The following NLGN1 variants were observed in gnomAD, a reference collection of about 807,000 sequenced individuals.
The protein encoded by NLGN1 is neuroligin-1.
NLGN1 carries 12 observed loss-of-function variants against 65.5 expected under a neutral mutation model. The observed-to-expected ratio is 0.18, with a 90% CI of 0.12 to 0.30. The LOEUF (loss-of-function observed/expected upper bound fraction) is 0.30. Ranked by LOEUF, NLGN1 falls within the 10% of genes least tolerant of loss-of-function variation. NLGN1 has a pLI of 1.00. For missense variants in NLGN1, 750 were observed against 1,007.1 expected, an observed-to-expected ratio of 0.74 and a Z score of 3.46; for synonymous variants, 350 against 359.5, an observed-to-expected ratio of 0.97 and a Z score of 0.30.
At chr3:174,185,437 ATTTTATTTAT>A (rs1408410677) in intron 4 of NLGN1, among the ~76,000 whole-genome samples, 1 of 152,112 alleles carries the variant, frequency 6.6e-6, no homozygotes, top group Non-Finnish European at 1.5e-5. Flanking sequence ...AGAGAATTCA[ATTTTATTTAT>A]TTTAGATTTA....
intron 4 of NLGN1, among the ~76,000 whole-genome samples, chr3:174,055,800 A>C (rs1006274490): frequency 1.8e-4 from 28 of 152,134 alleles, no homozygotes; most frequent in Non-Finnish European, 3.7e-4. Flanking sequence ...GCACTCAATA[A>C]TTGTCAGCAA....
intron 2 of NLGN1, among the ~76,000 whole-genome samples, chr3:173,537,885 G>A (rs181305773): frequency 6.6e-6 from 1 of 152,228 alleles, no homozygotes; most frequent in East Asian, 1.9e-4. Flanking sequence ...TCCTTTGGTA[G>A]CCAGGATCAG....
chr3:173,538,394 G>A (rs2149210946), intron 2 of NLGN1, among the ~76,000 whole-genome samples: 1 of 152,362 alleles, frequency 6.6e-6, no homozygotes, highest in South Asian at 2.1e-4. Context: ...TGTGAAGTGA[G>A]TTCCTTGAGC....
At chr3:173,552,186 TG>T (rs1310908940) in intron 2 of NLGN1, among the ~76,000 whole-genome samples, 2 of 152,120 alleles carry the variant, frequency 1.3e-5, no homozygotes, top group Non-Finnish European at 2.9e-5. Flanking sequence ...CATGAAAATG[TG>T]GAGAAATCTT....
chr3:173,909,048 T>C (rs1445742799), intron 4 of NLGN1, among the ~76,000 whole-genome samples: 2 of 152,234 alleles, frequency 1.3e-5, no homozygotes, highest in African/African-American at 4.8e-5. Flanking sequence ...AAATGGATCA[T>C]TTTTCCATTA....
At chr3:174,057,402 G>A (rs1736382638) in intron 4 of NLGN1, among the ~76,000 whole-genome samples, 1 of 152,068 alleles carries the variant, frequency 6.6e-6, no homozygotes, top group Non-Finnish European at 1.5e-5. Flanking sequence ...GAATCCCATA[G>A]TAGCAGTATG....
chr3:173,735,524 G>T (rs1773604996), intron 3 of NLGN1, among the ~76,000 whole-genome samples: 1 of 152,136 alleles, frequency 6.6e-6, no homozygotes, highest in Non-Finnish European at 1.5e-5. Context: ...ACTGGTTCAT[G>T]AAATACATTT....
chr3:173,767,891 C>A (rs1012061830), intron 3 of NLGN1, among the ~76,000 whole-genome samples: 1 of 152,050 alleles, frequency 6.6e-6, no homozygotes, highest in Non-Finnish European at 1.5e-5. Flanking sequence ...TTGCACAAGT[C>A]ATTTTAATCT....
Position 173,605,693 on chromosome 3 carries a change from G to T in NLGN1, c.493+602G>T, listed in dbSNP as rs76334904. The T allele has an allele frequency of 1.1e-3, 586 of 523,370 alleles. 2 individuals carry two copies. The highest frequency in any genetic ancestry group is 0.01 in the African/African-American group (524 of 50,366). The allele number at this position is 523,370 out of a possible 1,614,324, so 32.4% of individuals were successfully genotyped here. A position where few individuals can be genotyped will look rare whatever the true frequency, so the allele number is the denominator to read the frequency against. On this transcript the variant is annotated intron_variant, in intron 3 of 6. Coordinates refer to ENST00000457714, the Ensembl canonical transcript of NLGN1. ...GATTTGCTGATGCTGGGAAGTAAAT[G>T]GTTAGGTGATGTTTGGAATCTGATG...
chr3:174,026,303 T>A (rs1194253760), intron 4 of NLGN1, among the ~76,000 whole-genome samples: 1 of 152,028 alleles, frequency 6.6e-6, no homozygotes, highest in South Asian at 2.1e-4. Context: ...TTTTTGTATT[T>A]TTTGTAGAGA....
chr3:173,439,990 C>T (rs1435003839), intron 2 of NLGN1, among the ~76,000 whole-genome samples: 2 of 152,118 alleles, frequency 1.3e-5, no homozygotes, highest in Non-Finnish European at 2.9e-5. Flanking sequence ...GGATTTTACC[C>T]ACAGTAGAAT....
intron 2 of NLGN1, among the ~76,000 whole-genome samples, chr3:173,537,216 C>T (rs1390032846): frequency 9.2e-5 from 14 of 152,254 alleles, no homozygotes; most frequent in Non-Finnish European, 1.9e-4. Flanking sequence ...CACAAATCCA[C>T]GTGTTGTCAA....
upstream of NLGN1, chr3:173,396,279 C>T (rs1470817050): frequency 6.6e-6 from 1 of 152,148 alleles, no homozygotes; most frequent in Non-Finnish European, 1.5e-5. Flanking sequence ...CCCTCTAAAT[C>T]TTCTCGGAAA....
At chr3:174,275,238 C>A in intron 4 of NLGN1, 77 bp from the exon 5 acceptor site, 1 of 1,048,116 alleles carries the variant, frequency 9.5e-7, no homozygotes, top group Non-Finnish European at 1.5e-6. Flanking sequence ...TTAATACAGG[C>A]TTCATTTGTG....
intron 2 of NLGN1, among the ~76,000 whole-genome samples, chr3:173,510,171 G>T (rs1426987760): frequency 6.6e-6 from 1 of 152,168 alleles, no homozygotes; most frequent in Admixed American, 6.6e-5. Flanking sequence ...CTTTCTGTTT[G>T]TGAATAGAGA....
intron 1 of NLGN1, among the ~76,000 whole-genome samples, chr3:173,421,781 A>G (rs1577375744): frequency 6.6e-6 from 1 of 152,172 alleles, no homozygotes; most frequent in East Asian, 1.9e-4. Context: ...TCAGCCTCCT[A>G]AAGTGCTAGG....
chr3:174,180,323 G>A (rs975918603), intron 4 of NLGN1, among the ~76,000 whole-genome samples: 9 of 152,092 alleles, frequency 5.9e-5, no homozygotes, highest in African/African-American at 2.2e-4. Flanking sequence ...TTTCCTGTAG[G>A]CTACAATGTG....
At chr3:173,405,462 G>T (rs1258562086) in intron 1 of NLGN1, among the ~76,000 whole-genome samples, 2 of 151,982 alleles carry the variant, frequency 1.3e-5, no homozygotes, top group East Asian at 3.9e-4. Flanking sequence ...CTTGATTTCA[G>T]ATATGTTAAA....
chr3:173,705,700 T>C (rs189544185), intron 3 of NLGN1, among the ~76,000 whole-genome samples: 72 of 152,196 alleles, frequency 4.7e-4, no homozygotes, highest in African/African-American at 1.6e-3. Context: ...TAAAAATGAA[T>C]GGAATACTTA....
Sources: allele counts gnomAD v4.1 joint callset (sites outside exome capture counted in the v4.1 genomes callset), GRCh38; gene constraint gnomAD v4.1.1; transcripts MANE v1.5; gene names NCBI Gene and HGNC (gene_info 2026-07-23, HGNC 2026-07-21).